Variants in NRXN1 observed in about 807,000 individuals in gnomAD.
NRXN1 encodes the protein neurexin 1.
NRXN1 carries 39 observed loss-of-function variants against 150.9 expected under a neutral mutation model. The ratio of observed to expected loss-of-function variants is 0.26; its 90% CI spans 0.20 to 0.34. The LOEUF is 0.34. Ranked by LOEUF, NRXN1 falls within the 10% of genes least tolerant of loss-of-function variation. The probability of loss-of-function intolerance (pLI) is 1.00; values close to 1 mark genes in which losing one functional copy is unlikely to be tolerated. For synonymous variants in NRXN1, 924 were observed against 757.0 expected, an observed-to-expected ratio of 1.22 and a Z score of -3.62; for missense variants, 1,815 against 1,949.9, an observed-to-expected ratio of 0.93 and a Z score of 1.30.
At chr2:50,129,962 T>G (rs1166714245) in intron 18 of NRXN1, among the ~76,000 whole-genome samples, 1 of 152,154 alleles carries the variant, frequency 6.6e-6, no homozygotes, top group Non-Finnish European at 1.5e-5. Context: ...AAAACAAATA[T>G]TTTCTATGTA....
chr2:50,299,216 T>A (rs1177234524), intron 17 of NRXN1, among the ~76,000 whole-genome samples: 1 of 152,176 alleles, frequency 6.6e-6, no homozygotes, highest in Non-Finnish European at 1.5e-5. Flanking sequence ...GTAGGAAAGC[T>A]ATATATGGCA....
At chr2:50,365,964 T>A (rs555412001) in intron 17 of NRXN1, among the ~76,000 whole-genome samples, 55 of 152,096 alleles carry the variant, frequency 3.6e-4, no homozygotes, top group Non-Finnish European at 7.4e-4. Flanking sequence ...TGTAGCCAAG[T>A]GGAATATAAT....
chr2:50,620,148 C>T lies in NRXN1; in HGVS notation c.1194G>A (p.Thr398=), dbSNP rs202166616. Residue 398 remains threonine (T), a synonymous_variant, in exon 8 of 23, where the codon ACG becomes ACA. Coordinates refer to ENST00000401669, the MANE Select transcript of NRXN1 (RefSeq NM_001330078.2). ...TISVDGILTT[T]GYTQEDYTML... is the part of the protein sequence containing the mutation. Reference sequence around the variant, plus strand: ...TGGTATAATCTTCTTGCGTGTAGCCCGTTGTGGTAAGAATCCCATCCACTG... The same window carrying T: ...TGGTATAATCTTCTTGCGTGTAGCCTGTTGTGGTAAGAATCCCATCCACTG... 1.5e-5 allele frequency: 25 copies of T among 1,613,244 alleles called. No homozygotes were observed. The highest frequency in any genetic ancestry group is 2.2e-5 in the South Asian group (2 of 91,044).
chr2:50,832,278 T>C (rs972512298), intron 5 of NRXN1, among the ~76,000 whole-genome samples: 20 of 152,210 alleles, frequency 1.3e-4, no homozygotes, highest in African/African-American at 4.3e-4. Context: ...TCTAAAGTGA[T>C]TGAGTTTTGC....
At chr2:50,212,032 A>C (rs1010886100) in intron 18 of NRXN1, among the ~76,000 whole-genome samples, 3 of 151,468 alleles carry the variant, frequency 2.0e-5, no homozygotes, top group African/African-American at 7.3e-5. Flanking sequence ...ATTTTTGCTT[A>C]TTGGCAAACT....
rs1296611968 is a variant in NRXN1 at position 50,053,537 on chromosome 2, C to G, written c.3862G>C (p.Glu1288Gln). ...SQATIIIGGK[E>Q]QGQPFQGQLS... ...TGGCCCTGGAAGGGCTGGCCCTGCTCTTTCCCGCCAATTATTATGGTTGCT... is the reference window on the plus strand; with the variant it reads ...TGGCCCTGGAAGGGCTGGCCCTGCTGTTTCCCGCCAATTATTATGGTTGCT... The change falls in exon 21 of 23, where the codon GAG becomes CAG. Residue 1288 changes from glutamate (E) to glutamine (Q), a missense_variant. By Grantham distance (29) the Glu-to-Gln change is conservative (BLOSUM62 2). Around this residue, in one of 6 missense-constraint regions of NRXN1, gnomAD observed 265 missense variants for 307.1 expected, o/e 0.86. Transcript: ENST00000401669. The G allele has an allele frequency of 6.2e-6, 10 of 1,613,940 alleles. No homozygotes were observed. In the Admixed American group the frequency reaches 6.7e-5, roughly 11 times the overall value.
chr2:50,136,367 T>C (rs1426738743), intron 18 of NRXN1, among the ~76,000 whole-genome samples: 1 of 152,216 alleles, frequency 6.6e-6, no homozygotes, highest in African/African-American at 2.4e-5. Flanking sequence ...TTGACGGTGA[T>C]CTAAATTCAA....
chr2:49,979,169 C>T (rs1015405906), intron 21 of NRXN1, among the ~76,000 whole-genome samples: 5 of 152,120 alleles, frequency 3.3e-5, no homozygotes, highest in African/African-American at 1.2e-4. Flanking sequence ...TGGTGGCATG[C>T]ACCTGTAATC....
intron 21 of NRXN1, among the ~76,000 whole-genome samples, chr2:50,015,188 C>A (rs1195842596): frequency 2.6e-5 from 4 of 152,064 alleles, no homozygotes; most frequent in African/African-American, 9.7e-5. Context: ...ATATCTTGTA[C>A]TTTCCAAGTA....
chr2:50,328,673 T>C (rs976040092), intron 17 of NRXN1, among the ~76,000 whole-genome samples: 1 of 151,962 alleles, frequency 6.6e-6, no homozygotes, highest in Non-Finnish European at 1.5e-5. Flanking sequence ...GAGGCAGAGG[T>C]TGCAGTGAGC....
chr2:50,673,666 A>C (rs1033407161), intron 5 of NRXN1, among the ~76,000 whole-genome samples: 24 of 152,108 alleles, frequency 1.6e-4, no homozygotes, highest in African/African-American at 5.6e-4. Context: ...CAGAAAAAGT[A>C]ATTTGTTGGG....
At chr2:50,744,753 A>G (rs2105293769) in intron 5 of NRXN1, among the ~76,000 whole-genome samples, 1 of 152,282 alleles carries the variant, frequency 6.6e-6, no homozygotes, top group Admixed American at 6.5e-5. Flanking sequence ...CATAATAATA[A>G]GATTATGGTT....
chr2:50,836,071 C>A (rs1381340436), intron 5 of NRXN1, among the ~76,000 whole-genome samples: 1 of 152,126 alleles, frequency 6.6e-6, no homozygotes, highest in Non-Finnish European at 1.5e-5. Flanking sequence ...CCCCATAAAT[C>A]TGAAAAAGAA....
intron 5 of NRXN1, among the ~76,000 whole-genome samples, chr2:50,750,102 T>C (rs542138616): frequency 6.6e-6 from 1 of 152,146 alleles, no homozygotes; most frequent in East Asian, 1.9e-4. Context: ...TCAGGTCCTG[T>C]AGTTCTATTC....
At chr2:50,604,113 T>C (rs183774417) in intron 8 of NRXN1, among the ~76,000 whole-genome samples, 8 of 152,330 alleles carry the variant, frequency 5.3e-5, no homozygotes, top group Admixed American at 3.9e-4. Flanking sequence ...TGTTTCAGTA[T>C]ATTTACATGG....
intron 18 of NRXN1, among the ~76,000 whole-genome samples, chr2:50,182,771 T>C (rs866589891): frequency 6.6e-6 from 1 of 152,076 alleles, no homozygotes; most frequent in African/African-American, 2.4e-5. Flanking sequence ...AAAAGAAAGT[T>C]ATTTCAAATA....
At chr2:50,703,392 A>G (rs1343734993) in intron 5 of NRXN1, among the ~76,000 whole-genome samples, 1 of 152,158 alleles carries the variant, frequency 6.6e-6, no homozygotes, top group Non-Finnish European at 1.5e-5. Flanking sequence ...AGATATCCAG[A>G]TGGCACTCAA....
chr2:50,041,954 GACAACT>G (rs1691040798), intron 21 of NRXN1, among the ~76,000 whole-genome samples: 1 of 152,130 alleles, frequency 6.6e-6, no homozygotes, highest in Admixed American at 6.5e-5. Flanking sequence ...TCCTTTTAGG[GACAACT>G]ACTGGTGCCT....
chr2:50,612,532 G>T (rs540482131), intron 8 of NRXN1, among the ~76,000 whole-genome samples: 1 of 152,254 alleles, frequency 6.6e-6, no homozygotes, highest in East Asian at 1.9e-4. Flanking sequence ...TAACTCACTG[G>T]ATGTTGTTGA....
Sources: allele counts gnomAD v4.1 joint callset (sites outside exome capture counted in the v4.1 genomes callset), GRCh38; gene constraint gnomAD v4.1.1; regional missense constraint gnomAD v4.1.1; transcripts MANE v1.5; gene names NCBI Gene and HGNC (gene_info 2026-07-23, HGNC 2026-07-21).